Variants in VCAN observed in about 807,000 individuals in gnomAD.
The protein encoded by VCAN is versican core protein.
A neutral mutation model predicts 245.5 loss-of-function variants in VCAN; 44 were observed. That is an observed-to-expected ratio of 0.18 (90% CI 0.14 to 0.23). VCAN has a LOEUF of 0.23. Ranked by LOEUF, VCAN falls within the 10% of genes least tolerant of loss-of-function variation. VCAN has a pLI of 1.00. For missense variants in VCAN, 3,793 were observed against 4,057.9 expected (o/e 0.93, Z 1.77); for synonymous variants, 1,413 against 1,437.0 (o/e 0.98, Z 0.38).
chr5:83,555,194 A>C (rs902625349), intron 12 of VCAN, among the ~76,000 whole-genome samples, 156 bp downstream of exon 12: 1 of 152,190 alleles, frequency 6.6e-6, no homozygotes. Context: ...AAGAGTTCCA[A>C]GCTACCTGAT....
chr5:83,534,415 C>T (rs976222074), intron 7 of VCAN, among the ~76,000 whole-genome samples: 32 of 152,088 alleles, frequency 2.1e-4, no homozygotes, highest in Admixed American at 1.6e-3. Flanking sequence ...CAAAAGGGTA[C>T]AAAATATGGT....
At chr5:83,554,076 A>G (rs566752181) in intron 11 of VCAN, among the ~76,000 whole-genome samples, 90 of 152,364 alleles carry the variant, frequency 5.9e-4, no homozygotes, top group African/African-American at 2.0e-3. Context: ...AAGCTAATGA[A>G]ACTTAATATC....
intron 5 of VCAN, among the ~76,000 whole-genome samples, chr5:83,504,831 AG>A (rs1368891978): frequency 3.9e-5 from 6 of 152,210 alleles, no homozygotes; most frequent in African/African-American, 9.6e-5. Flanking sequence ...AAGACTGGGA[AG>A]AAAAAGAGGT....
chr5:83,473,584 G>A (rs1398277159), intron 1 of VCAN, among the ~76,000 whole-genome samples: 1 of 152,150 alleles, frequency 6.6e-6, no homozygotes, highest in Non-Finnish European at 1.5e-5. Context: ...TGAAATCCCT[G>A]CCTTTCCCGT....
chr5:83,561,293 A>C (rs143585110), intron 12 of VCAN, among the ~76,000 whole-genome samples: 262 of 152,232 alleles, frequency 1.7e-3, no homozygotes, highest in Non-Finnish European at 2.5e-3. Flanking sequence ...AGAACAAGTT[A>C]CTAAATCACA....
At chr5:83,481,369 A>G (rs912945102) in intron 1 of VCAN, among the ~76,000 whole-genome samples, 10 of 151,666 alleles carry the variant, frequency 6.6e-5, no homozygotes, top group African/African-American at 2.4e-4. Context: ...TTCAGCTAAT[A>G]CTCATGGAAT....
chr5:83,545,471 T>C (rs1406336667), intron 8 of VCAN, 66 bp from the exon 9 acceptor site: 3 of 1,355,784 alleles, frequency 2.2e-6, no homozygotes, highest in Admixed American at 1.7e-5. Flanking sequence ...GGGCGTTTTA[T>C]GCTAAAATAC....
intron 1 of VCAN, among the ~76,000 whole-genome samples, chr5:83,476,530 C>T (rs1426107931): frequency 2.0e-5 from 3 of 152,078 alleles, no homozygotes; most frequent in Non-Finnish European, 2.9e-5. Context: ...TACCAGAAAA[C>T]ACAAAGCATG....
At chr5:83,530,801 AG>A (rs1250907642) in intron 7 of VCAN, among the ~76,000 whole-genome samples, 1 of 152,038 alleles carries the variant, frequency 6.6e-6, no homozygotes, top group African/African-American at 2.4e-5. Context: ...TCATTTCTAT[AG>A]AAGTATTTGA....
At chr5:83,562,151 ATTAAT>A (rs1747889883) in intron 12 of VCAN, 1 of 152,208 alleles carries the variant, frequency 6.6e-6, no homozygotes. Flanking sequence ...GCATATCAAC[ATTAAT>A]TTAATTATGT....
In VCAN at chr5:83,471,807, G is replaced by T; in HGVS notation, c.-223G>T. 1 of 398,700 alleles carries T rather than the reference G, an allele frequency of 2.5e-6. No individual in the cohort carries two copies. Among genetic ancestry groups the T allele is most frequent in the Non-Finnish European group, 4.4e-6 (1 of 226,160 alleles). The allele number at this position is 398,700 out of a possible 1,614,324, so 24.7% of individuals were successfully genotyped here. Reference sequence around the variant, plus strand: ...GGGGAAGAACTCCAGGCGTGCGGACGCAACAGCCGAGAACATTAGGTGTTG... The same window carrying T: ...GGGGAAGAACTCCAGGCGTGCGGACTCAACAGCCGAGAACATTAGGTGTTG... On this transcript the variant is annotated 5_prime_UTR_variant, in exon 1 of 15. Coordinates refer to ENST00000265077, the MANE Select transcript of VCAN (RefSeq NM_004385.5).
rs759019265 is a variant in VCAN, at chr5:83,539,149, G to C, written c.6146G>C (p.Gly2049Ala). ...SIIDEGLGEVGTVNEIDRRST... is the reference protein window; with the variant it reads ...SIIDEGLGEVATVNEIDRRST... ...ATCGACGAAGGATTGGGAGAAGTGG[G>C]TACTGTCAATGAAATTGATAGAAGA... Residue 2049 changes from glycine to alanine, a missense_variant, in exon 8 of 15, where the codon GGT (glycine) becomes GCT (alanine). Around this residue, in one of 5 missense-constraint regions of VCAN, gnomAD observed 3,182 missense variants for 3,250.3 expected, o/e 0.98. Coordinates refer to ENST00000265077, the MANE Select transcript of VCAN (RefSeq NM_004385.5). The C allele has an allele frequency of 1.2e-6, 2 of 1,613,834 alleles. No homozygotes were observed. Among genetic ancestry groups the C allele is most frequent in the African/African-American group, 1.3e-5 (1 of 74,912 alleles).
Position 83,539,196 on chromosome 5 carries a change from G to A in VCAN, c.6193G>A (p.Glu2065Lys), listed in dbSNP as rs750641712. The A allele has an allele frequency of 5.0e-6, 8 of 1,613,996 alleles. No homozygotes were observed. The East Asian group carries it at 1.3e-4, about 27-fold the overall frequency. ...AAGATCCACCATTTTACCAACAGCA[G>A]AAGTGGAAGGTACGAAAGCTCCAGT... The part of the protein sequence containing the change: ...DRRSTILPTA[E>K]VEGTKAPVEK... The change falls in exon 8 of 15, where the codon GAA (glutamate) becomes AAA (lysine). Residue 2065 changes from glutamate (E) to lysine (K), a missense_variant. Physicochemically the swap from Glu to Lys is moderately conservative, Grantham distance 56 (BLOSUM62 1). This residue lies in a region of VCAN where 3,182 missense variants were observed against 3,250.3 expected (regional missense o/e 0.98). Coordinates refer to ENST00000265077, the MANE Select transcript of VCAN (RefSeq NM_004385.5).
chr5:83,574,001 G>GT (rs1402487521), intron 13 of VCAN, among the ~76,000 whole-genome samples: 1 of 152,174 alleles, frequency 6.6e-6, no homozygotes, highest in Non-Finnish European at 1.5e-5. Context: ...AGCCAGTACT[G>GT]TAACTCTCAG....
intron 5 of VCAN, among the ~76,000 whole-genome samples, chr5:83,504,092 A>AT (rs529786944): frequency 6.2e-4 from 94 of 152,226 alleles, no homozygotes; most frequent in Non-Finnish European, 1.1e-3. Flanking sequence ...AAATTAGAGT[A>AT]TTTTTTCCCT....
At position 83,547,830 on chromosome 5, in the gene VCAN, T is replaced by C. The variant is rs1033595663; in HGVS notation, c.9380-141T>C. ...CCTAAATATGGCACGGACATACTTATGCTAACAAATTATACTTTTTTTAAA... is the reference window on the plus strand; with the variant it reads ...CCTAAATATGGCACGGACATACTTACGCTAACAAATTATACTTTTTTTAAA... On this transcript the variant is annotated intron_variant, in intron 9 of 14. Transcript: ENST00000265077. 5.0e-5 allele frequency: 36 copies of C among 723,590 alleles called. No individual in the cohort carries two copies. In the African/African-American group the frequency reaches 5.9e-4, roughly 12 times the overall value. The allele number at this position is 723,590 out of a possible 1,614,324, so 44.8% of individuals were successfully genotyped here.
In VCAN at chr5:83,539,722, T is replaced by C. The variant is rs747467910; in HGVS notation, c.6719T>C (p.Met2240Thr). Residue 2240 changes from methionine to threonine, a missense_variant, in exon 8 of 15, where the codon ATG becomes ACG. Physicochemically the swap from Met to Thr is moderately conservative, Grantham distance 81 (BLOSUM62 -1). This residue lies in a region of VCAN where 3,182 missense variants were observed against 3,250.3 expected (regional missense o/e 0.98). Coordinates refer to ENST00000265077, the MANE Select transcript of VCAN (RefSeq NM_004385.5). The part of the protein sequence containing the change: ...EESTKHFPKG[M>T]RPTIQESDTE... ...AGTACAAAACATTTTCCGAAAGGCA[T>C]GAGACCAACAATTCAAGAGTCAGAT... The C allele has an allele frequency of 5.0e-6, 8 of 1,613,740 alleles. No homozygotes were observed. The Admixed American group carries it at 1.3e-4, about 27-fold the overall frequency.
chr5:83,512,438 A>G, intron 6 of VCAN, 42 bp downstream of exon 6: 1 of 1,600,368 alleles, frequency 6.2e-7, no homozygotes, highest in Non-Finnish European at 8.5e-7. Flanking sequence ...GTTTTAAAAA[A>G]AATGCTTCGA....
chr5:83,575,895 A>G (rs1278135046), intron 13 of VCAN, among the ~76,000 whole-genome samples: 2 of 152,032 alleles, frequency 1.3e-5, no homozygotes, highest in African/African-American at 4.8e-5. Context: ...CTATTTTTGC[A>G]TTTTATCTCC....
Sources: allele counts gnomAD v4.1 joint callset (sites outside exome capture counted in the v4.1 genomes callset), GRCh38; gene constraint gnomAD v4.1.1; regional missense constraint gnomAD v4.1.1; transcripts MANE v1.5; gene names NCBI Gene and HGNC (gene_info 2026-07-23, HGNC 2026-07-21).